GRIK1: variants seen among roughly 807,000 people sequenced by gnomAD.
GRIK1 encodes the protein glutamate ionotropic receptor kainate type subunit 1.
A neutral mutation model predicts 105.7 loss-of-function variants in GRIK1; 69 were observed. The ratio of observed to expected loss-of-function variants is 0.65; its 90% CI spans 0.54 to 0.80. GRIK1 has a LOEUF of 0.80. Ranked by LOEUF, GRIK1 falls within the 30% of genes least tolerant of loss-of-function variation. The pLI is 0.00. For synonymous variants in GRIK1, 438 were observed against 431.3 expected (o/e 1.02, Z -0.19); for missense variants, 1,109 against 1,167.3 (o/e 0.95, Z 0.73).
chr21:29,894,866 C>A (rs987459758), intron 1 of GRIK1, among the ~76,000 whole-genome samples: 2 of 152,108 alleles, frequency 1.3e-5, no homozygotes, highest in South Asian at 4.1e-4. Flanking sequence ...TTGGCTATTT[C>A]CCCTTCTCCT....
chr21:29,909,540 T>C (rs1429829445), intron 1 of GRIK1, among the ~76,000 whole-genome samples: 2 of 152,030 alleles, frequency 1.3e-5, no homozygotes, highest in African/African-American at 4.8e-5. Context: ...TACTCATGAG[T>C]TTGATATCTT....
chr21:29,856,035 T>G (rs468123), intron 1 of GRIK1, among the ~76,000 whole-genome samples: 48,595 of 151,722 alleles, frequency 0.32, 8,395 homozygotes, highest in East Asian at 0.46. Context: ...GATTCATACG[T>G]AAACATCAGT....
intron 5 of GRIK1, among the ~76,000 whole-genome samples, 170 bp downstream of exon 5, chr21:29,654,640 A>C (rs2062812044): frequency 8.3e-6 from 1 of 120,690 alleles, no homozygotes; most frequent in African/African-American, 4.1e-5. Context: ...AGAAAGAAAG[A>C]AAGAAAAAAA....
At chr21:29,543,884 G>A (rs919564896) in intron 16 of GRIK1, among the ~76,000 whole-genome samples, 5 of 152,140 alleles carry the variant, frequency 3.3e-5, no homozygotes, top group African/African-American at 7.2e-5. Flanking sequence ...AATGACTCTC[G>A]AAAGCCCCTG....
chr21:29,866,178 A>T lies in GRIK1; in HGVS notation c.118+73205T>A, dbSNP rs1336919311. ...ACCTCCCAGGTTCAATCAATCTCCC[A>T]TCTCAGCCTCTGGAGTAGCTGGGAC... On this transcript the variant is annotated intron_variant, in intron 1 of 17. Coordinates refer to ENST00000327783, the MANE Select transcript of GRIK1 (RefSeq NM_001330994.2). 5.1e-4 allele frequency among the ~76,000 whole-genome samples: 78 copies of T among 151,872 alleles called. 4 individuals are homozygous for T.
At chr21:29,819,536 T>G (rs1186280549) in intron 1 of GRIK1, among the ~76,000 whole-genome samples, 2 of 152,038 alleles carry the variant, frequency 1.3e-5, no homozygotes, top group African/African-American at 4.8e-5. Flanking sequence ...TCTATTTTTA[T>G]TTGATAGCGT....
At chr21:29,646,058 C>G (rs570305722) in intron 6 of GRIK1, among the ~76,000 whole-genome samples, 1 of 152,198 alleles carries the variant, frequency 6.6e-6, no homozygotes, top group South Asian at 2.1e-4. Context: ...TTGGAATATC[C>G]CAATAAGAGT....
intron 1 of GRIK1, among the ~76,000 whole-genome samples, chr21:29,855,519 C>G (rs182955161): frequency 6.6e-6 from 1 of 152,150 alleles, no homozygotes. Flanking sequence ...AGACCAAGTA[C>G]AGTATATTGC....
chr21:29,697,723 C>T lies in GRIK1; in HGVS notation c.119-3660G>A, dbSNP rs182002207. On this transcript the variant is annotated intron_variant, in intron 1 of 17. Transcript: ENST00000327783. ...CTGTTTAACGATCAGCCACTTCCTCCCTCCTTCTCCTCCCCATAGCTTCAG... is the reference window on the plus strand; with the variant it reads ...CTGTTTAACGATCAGCCACTTCCTCTCTCCTTCTCCTCCCCATAGCTTCAG... Among the ~76,000 whole-genome samples, 17 of 152,112 alleles carry T rather than the reference C, an allele frequency of 1.1e-4. No individual in the cohort carries two copies. The East Asian group carries it at 3.3e-3, about 29-fold the overall frequency.
At chr21:29,617,670 T>C (rs910775359) in intron 7 of GRIK1, among the ~76,000 whole-genome samples, 6 of 152,210 alleles carry the variant, frequency 3.9e-5, no homozygotes, top group African/African-American at 1.2e-4. Flanking sequence ...GCATAGGGAA[T>C]AGAGACCATT....
intron 1 of GRIK1, among the ~76,000 whole-genome samples, chr21:29,765,204 A>G (rs747580528): frequency 6.6e-6 from 1 of 152,136 alleles, no homozygotes; most frequent in African/African-American, 2.4e-5. Context: ...ATTTCTTTCT[A>G]AGTTACTTGA....
intron 1 of GRIK1, among the ~76,000 whole-genome samples, chr21:29,708,695 C>T (rs1286262974): frequency 6.6e-6 from 1 of 152,218 alleles, no homozygotes; most frequent in Non-Finnish European, 1.5e-5. Context: ...CCAGTGACTG[C>T]TCTTTCAGCC....
chr21:29,628,463 A>G (rs1332758895), intron 7 of GRIK1, among the ~76,000 whole-genome samples: 2 of 152,160 alleles, frequency 1.3e-5, no homozygotes, highest in Non-Finnish European at 1.5e-5. Context: ...CCAATATTTG[A>G]TTTCCAACTC....
intron 1 of GRIK1, among the ~76,000 whole-genome samples, chr21:29,782,126 G>C (rs536670644): frequency 3.5e-5 from 5 of 140,860 alleles, no homozygotes; most frequent in Admixed American, 3.0e-4. Flanking sequence ...TCGCTGTGTC[G>C]CCCAGGCTGG....
chr21:29,623,863 G>A (rs2062062739), intron 7 of GRIK1, among the ~76,000 whole-genome samples: 1 of 152,192 alleles, frequency 6.6e-6, no homozygotes, highest in Non-Finnish European at 1.5e-5. Context: ...ATTGTCTAAT[G>A]CCAAAGTAAT....
intron 1 of GRIK1, among the ~76,000 whole-genome samples, chr21:29,802,562 C>T (rs1368812654): frequency 2.6e-5 from 4 of 152,130 alleles, no homozygotes; most frequent in African/African-American, 9.7e-5. Flanking sequence ...CCATTCTGTC[C>T]TCCAAATTGA....
At chr21:29,592,972 G>T (rs1039512670) in intron 9 of GRIK1, among the ~76,000 whole-genome samples, 2 of 152,108 alleles carry the variant, frequency 1.3e-5, no homozygotes, top group Non-Finnish European at 1.5e-5. Flanking sequence ...GGAGTGTTAG[G>T]CTCCATCCTC....
At chr21:29,750,253 C>CCTCT (rs2065155915) in intron 1 of GRIK1, among the ~76,000 whole-genome samples, 2 of 144,040 alleles carry the variant, frequency 1.4e-5, no homozygotes, top group Non-Finnish European at 3.1e-5. Flanking sequence ...TCCCTCCCTC[C>CCTCT]CTCCCTCCCT....
chr21:29,925,601 T>C (rs1249652664), intron 1 of GRIK1, among the ~76,000 whole-genome samples: 1 of 152,214 alleles, frequency 6.6e-6, no homozygotes, highest in Non-Finnish European at 1.5e-5. Flanking sequence ...AGAAGTTGAT[T>C]TGAAGGATTA....
Sources: allele counts gnomAD v4.1 joint callset (sites outside exome capture counted in the v4.1 genomes callset), GRCh38; gene constraint gnomAD v4.1.1; transcripts MANE v1.5; gene names NCBI Gene and HGNC (gene_info 2026-07-23, HGNC 2026-07-21).